ARSL: variants seen among roughly 807,000 people sequenced by gnomAD.
ARSL encodes the protein arylsulfatase E (chondrodysplasia punctata 1).
In ARSL, 4 loss-of-function variants were observed where a neutral mutation model predicts 31.1. That is an observed-to-expected ratio of 0.13 (90% CI 0.06 to 0.29). The LOEUF (loss-of-function observed/expected upper bound fraction) is 0.29, where lower values mean the gene tolerates loss of function less well. ARSL is among the 10% of genes least tolerant of loss of function. The pLI, the probability that ARSL is intolerant of heterozygous loss-of-function variation, is 1.00. For synonymous variants in ARSL, 198 were observed against 209.9 expected (o/e 0.94, Z 0.49); for missense variants, 312 against 497.8 (o/e 0.63, Z 3.55).
intron 7 of ARSL, among the ~76,000 whole-genome samples, chrX:2,944,940 AGAAGAGGAAGAAGTG>A (rs2089352251): frequency 9.0e-6 from 1 of 110,500 alleles, no homozygotes; most frequent in African/African-American, 3.3e-5. Context: ...AGAAAGAAGA[AGAAGAGGAAGAAGTG>A]GAAGAGGAAG....
Position 2,949,853 on chromosome X carries a change from G to T in ARSL, c.431-126C>A, listed in dbSNP as rs2089439042. The T allele has an allele frequency of 1.0e-5, 8 of 791,992 alleles. No individual in the cohort carries two copies. The Admixed American group carries it at 2.1e-4, about 21-fold the overall frequency. 65.3% of individuals were successfully genotyped at this position (791,992 alleles called of 1,213,427 possible). A position where few individuals can be genotyped will look rare whatever the true frequency, so the allele number is the denominator to read the frequency against. On this transcript the variant is annotated intron_variant, in intron 5 of 10. Transcript: ENST00000381134. ...GGGGGCCAGGAGATTGCAAAGAAGTGTGGGCAGCATTAGCTGTTATTTGCA... is the reference window on the plus strand; with the variant it reads ...GGGGGCCAGGAGATTGCAAAGAAGTTTGGGCAGCATTAGCTGTTATTTGCA...
chrX:2,944,244 A>G (rs1442098144), intron 7 of ARSL, among the ~76,000 whole-genome samples: 1 of 109,318 alleles, frequency 9.1e-6, no homozygotes, highest in Non-Finnish European at 1.9e-5. Flanking sequence ...TCACAAGGTC[A>G]GCAGTTCGAG....
intron 6 of ARSL, among the ~76,000 whole-genome samples, chrX:2,947,442 TA>T (rs1165800930): frequency 1.8e-5 from 2 of 112,621 alleles, no homozygotes; most frequent in African/African-American, 6.4e-5. Context: ...AAAATAGTTA[TA>T]AAAAACACAC....
At chrX:2,960,999 T>G (rs1165351822) in intron 1 of ARSL, among the ~76,000 whole-genome samples, 1 of 111,119 alleles carries the variant, frequency 9.0e-6, no homozygotes, top group African/African-American at 3.3e-5. Flanking sequence ...TGGGAGGATT[T>G]GCTTGAGCCC....
intron 3 of ARSL, among the ~76,000 whole-genome samples, chrX:2,956,168 T>C (rs1450215476): frequency 3.6e-5 from 4 of 112,149 alleles, no homozygotes; most frequent in African/African-American, 6.5e-5. Flanking sequence ...ACAGTGTTCA[T>C]GGGAAGGTTT....
intron 10 of ARSL, among the ~76,000 whole-genome samples, chrX:2,935,972 G>T (rs2089195389): frequency 9.0e-6 from 1 of 111,605 alleles, no homozygotes; most frequent in South Asian, 3.8e-4. Context: ...GGGAGGCCAA[G>T]ATGGGTGGAT....
At chrX:2,961,444 C>T (rs1177887254) in intron 1 of ARSL, among the ~76,000 whole-genome samples, 1 of 111,275 alleles carries the variant, frequency 9.0e-6, no homozygotes, top group East Asian at 2.8e-4. Flanking sequence ...AGAGTCATGC[C>T]CTACAAACCA....
At chrX:2,963,532 C>CATTTT (rs1491474200) in intron 1 of ARSL, among the ~76,000 whole-genome samples, 3 of 95,191 alleles carry the variant, frequency 3.2e-5, no homozygotes, top group African/African-American at 4.2e-5. Context: ...CTTTTCTTTT[C>CATTTT]CTTTTTTTTT....
At chrX:2,946,322 CTTTTT>C (rs747661858) in intron 6 of ARSL, among the ~76,000 whole-genome samples, 188 bp from the exon 7 acceptor site, 2 of 69,126 alleles carry the variant, frequency 2.9e-5, no homozygotes, top group African/African-American at 1.3e-4. Context: ...AACAATCTTC[CTTTTT>C]TTTTTTTTTT....
In ARSL at chrX:2,960,026, T is replaced by C. The variant is rs1335495778; in HGVS notation, c.23+352A>G. 6 of 206,026 alleles carry C rather than the reference T, an allele frequency of 2.9e-5. No individual in the cohort carries two copies. In the East Asian group the frequency reaches 5.1e-4, roughly 18 times the overall value. 17.0% of individuals were successfully genotyped at this position (206,026 alleles called of 1,213,427 possible). On this transcript the variant is annotated intron_variant, in intron 2 of 10. Coordinates refer to ENST00000381134, the MANE Select transcript of ARSL (RefSeq NM_000047.3). ...GGCTCACGCCTGTAATCCCAGCACT[T>C]TGGGAGGCCGAGGCGGGCGGATCAC...
intron 5 of ARSL, among the ~76,000 whole-genome samples, chrX:2,950,676 G>A (rs1319210798): frequency 2.7e-5 from 3 of 111,813 alleles, no homozygotes; most frequent in African/African-American, 9.8e-5. Flanking sequence ...CACCATGATT[G>A]TGAGGCCTCC....
Position 2,946,322 on chromosome X carries a change from C to CTT in ARSL, c.855-190_855-189dup, listed in dbSNP as rs747661858. On this transcript the variant is annotated intron_variant, in intron 6 of 10. Transcript: ENST00000381134. ...TTAATTCTTATATTTAACAATCTTC[C>CTT]TTTTTTTTTTTTTTTTTTTTTTTTG... 6.7e-3 allele frequency among the ~76,000 whole-genome samples: 460 copies of CTT among 68,969 alleles called. 3 individuals carry two copies. The highest frequency in any genetic ancestry group is 0.022 in the African/African-American group (340 of 15,320). 59.9% of individuals were successfully genotyped at this position (68,969 alleles called of 115,157 possible).
At chrX:2,952,583 T>C (rs908431048) in intron 5 of ARSL, among the ~76,000 whole-genome samples, 1 of 111,642 alleles carries the variant, frequency 9.0e-6, no homozygotes, top group South Asian at 3.8e-4. Flanking sequence ...GGTTTCAACA[T>C]AGGAATTTTA....
At position 2,958,495 on chromosome X, in the gene ARSL, A is replaced by T. The variant is rs112397890; in HGVS notation, c.24-60T>A. The T allele has an allele frequency of 2.0e-4, 232 of 1,140,602 alleles. 1 individual carries two copies. The African/African-American group carries it at 3.5e-3, about 17-fold the overall frequency. The allele number at this position is 1,140,602 out of a possible 1,213,427, so 94.0% of individuals were successfully genotyped here. A position where few individuals can be genotyped will look rare whatever the true frequency, so the allele number is the denominator to read the frequency against. ...ATTTGCAGAACTTGTGTATGGGGGA[A>T]GTTGGCATCACTATTTTAAGAGGTA... On this transcript the variant is annotated intron_variant, in intron 2 of 10. Coordinates refer to ENST00000381134, the MANE Select transcript of ARSL (RefSeq NM_000047.3).
rs773371624 is a variant in ARSL, at chrX:2,963,166, G to A, written c.-21+1058C>T. 1.9e-4 allele frequency among the ~76,000 whole-genome samples: 21 copies of A among 111,913 alleles called. No individual in the cohort carries two copies. The South Asian group carries it at 5.2e-3, about 28-fold the overall frequency. ...GTGAGGTTTTTTTGTTTATTTGTTCGTTTGTTTTACCCTAGAGAGCACACA... is the reference window on the plus strand; with the variant it reads ...GTGAGGTTTTTTTGTTTATTTGTTCATTTGTTTTACCCTAGAGAGCACACA... On this transcript the variant is annotated intron_variant, in intron 1 of 10. Coordinates refer to ENST00000381134, the MANE Select transcript of ARSL (RefSeq NM_000047.3).
At chrX:2,957,048 C>A (rs182057990) in intron 3 of ARSL, among the ~76,000 whole-genome samples, 2 of 106,332 alleles carry the variant, frequency 1.9e-5, no homozygotes, top group Admixed American at 1.0e-4. Context: ...GATGAAACCC[C>A]GTCTCTATTA....
chrX:2,943,620 T>C (rs2089313112), intron 7 of ARSL, among the ~76,000 whole-genome samples: 1 of 107,727 alleles, frequency 9.3e-6, no homozygotes, highest in Non-Finnish European at 1.9e-5. Flanking sequence ...CACATGCTTG[T>C]AGTACCAGCT....
At chrX:2,964,483 T>C (rs1308044197), upstream of ARSL, 2 of 749,996 alleles carry the variant, frequency 2.7e-6, no homozygotes, top group Non-Finnish European at 3.1e-6. Context: ...AGGTTTTTAT[T>C]TTGTTTTATT....
Position 2,943,207 on chromosome X carries a change from G to C in ARSL, c.992-8C>G. 8.3e-7 allele frequency: 1 copy of C among 1,210,291 alleles called. No individual in the cohort carries two copies. The stretch of plus-strand genomic sequence containing the variant: ...AAGTGTCAAGGATCCGTCCTGCAAA[G>C]AACAGATGTTTTTGGGGCCGTCGAA... On this transcript the variant is annotated splice_polypyrimidine_tract_variant and splice_region_variant and intron_variant, in intron 7 of 10. Coordinates refer to ENST00000381134, the MANE Select transcript of ARSL (RefSeq NM_000047.3).
Sources: gnomAD v4.1 joint callset for allele counts (sites outside exome capture counted in the v4.1 genomes callset) on GRCh38, gnomAD v4.1.1 for gene constraint, MANE v1.5 for transcripts, NCBI Gene and HGNC (gene_info 2026-07-23, HGNC 2026-07-21) for gene names.